Variants in COLGALT2 observed in about 807,000 individuals in gnomAD.
The protein encoded by COLGALT2 is procollagen galactosyltransferase 2.
Under a neutral mutation model 73.4 loss-of-function variants are expected in COLGALT2, and 49 were observed. The ratio of observed to expected loss-of-function variants is 0.67; its 90% CI spans 0.53 to 0.85. COLGALT2 has a LOEUF of 0.85. COLGALT2 is among the 40% of genes least tolerant of loss of function. The pLI is 0.00. For missense variants in COLGALT2, 722 were observed against 790.2 expected (o/e 0.91, Z 1.03); for synonymous variants, 295 against 307.6 (o/e 0.96, Z 0.43).
At chr1:183,966,317 G>A (rs765480306) in intron 5 of COLGALT2, among the ~76,000 whole-genome samples, 3 of 152,176 alleles carry the variant, frequency 2.0e-5, no homozygotes, top group East Asian at 1.9e-4. Context: ...AGTGAATTAC[G>A]CTACATTTTG....
At chr1:183,974,251 T>G (rs1461343368) in intron 3 of COLGALT2, among the ~76,000 whole-genome samples, 4 of 152,246 alleles carry the variant, frequency 2.6e-5, no homozygotes, top group Non-Finnish European at 4.4e-5. Context: ...CCAGTGAAGC[T>G]ATTTCCTATT....
intron 4 of COLGALT2, among the ~76,000 whole-genome samples, chr1:183,972,930 A>C (rs1572648499): frequency 6.6e-6 from 1 of 152,038 alleles, no homozygotes. Flanking sequence ...CAATCTCCTG[A>C]CCTTGTAATC....
chr1:183,954,704 T>TTTTG, intron 7 of COLGALT2, 58 bp downstream of exon 7: 3 of 1,365,606 alleles, frequency 2.2e-6, no homozygotes, highest in Non-Finnish European at 3.1e-6. Flanking sequence ...TGTTCCAAAA[T>TTTTG]GAACACACAA....
chr1:183,997,088 G>A (rs780944909), intron 1 of COLGALT2, among the ~76,000 whole-genome samples: 85 of 152,228 alleles, frequency 5.6e-4, no homozygotes, highest in Middle Eastern at 6.8e-3. Flanking sequence ...TTAAGGTCTG[G>A]CCACAAGCCC....
chr1:183,966,697 A>G (rs7539021), intron 5 of COLGALT2, among the ~76,000 whole-genome samples: 96,570 of 152,092 alleles, frequency 0.63, 31,056 homozygotes, highest in African/African-American at 0.74. Context: ...ACTGGCTGGC[A>G]CTGGGATGAT....
intron 1 of COLGALT2, among the ~76,000 whole-genome samples, chr1:184,000,128 T>A (rs1671877440): frequency 6.6e-6 from 1 of 152,204 alleles, no homozygotes; most frequent in Non-Finnish European, 1.5e-5. Flanking sequence ...ATTTTTGAGT[T>A]ATTTTGCTTT....
intron 9 of COLGALT2, among the ~76,000 whole-genome samples, chr1:183,944,682 C>T (rs189914493): frequency 4.6e-5 from 7 of 151,546 alleles, no homozygotes; most frequent in Admixed American, 6.6e-5. Context: ...GAAGGCAGTA[C>T]GGGGTGGGGG....
In COLGALT2 at chr1:184,007,453, A is replaced by G. The variant is rs560520894; in HGVS notation, c.264-28933T>C. 1.4e-4 allele frequency among the ~76,000 whole-genome samples: 22 copies of G among 152,362 alleles called. No individual in the cohort carries two copies. The South Asian group carries it at 4.1e-3, about 29-fold the overall frequency. On this transcript the variant is annotated intron_variant, in intron 1 of 11. Transcript: ENST00000361927. ...TGCGGCTTTCCTTTCTTTTTCTACA[A>G]TACATAAAATCATGGTATATCAGAC...
Position 183,937,399 on chromosome 1 carries a change from C to T in COLGALT2, c.*1362G>A. On this transcript the variant is annotated 3_prime_UTR_variant, in exon 12 of 12. Transcript: ENST00000361927. ...TGGAGTGGGAAGAAATCGTGTAGTC[C>T]AACTCTGCATTTTACATAAAATCAA... is the stretch of plus-strand genomic sequence containing the variant. The T allele has an allele frequency of 2.0e-6, 2 of 992,672 alleles. No individual in the cohort carries two copies. Among genetic ancestry groups the T allele is most frequent in the Non-Finnish European group, 2.4e-6 (2 of 834,976 alleles). 61.5% of individuals were successfully genotyped at this position (992,672 alleles called of 1,614,324 possible).
intron 1 of COLGALT2, among the ~76,000 whole-genome samples, chr1:184,021,721 A>ACTGC (rs1402089798): frequency 6.6e-6 from 1 of 152,196 alleles, no homozygotes; most frequent in Non-Finnish European, 1.5e-5. Flanking sequence ...TAAAATGACT[A>ACTGC]CTGCCCCCTT....
intron 1 of COLGALT2, among the ~76,000 whole-genome samples, chr1:184,006,826 T>C (rs112612722): frequency 3.6e-4 from 55 of 152,282 alleles, no homozygotes; most frequent in African/African-American, 1.3e-3. Context: ...TCACTGATTC[T>C]AATAACGTAT....
intron 2 of COLGALT2, among the ~76,000 whole-genome samples, chr1:183,976,356 A>AATATG (rs61652571): frequency 4.1e-5 from 6 of 147,386 alleles, no homozygotes; most frequent in East Asian, 2.0e-4. Flanking sequence ...TATATATTAT[A>AATATG]TCATATTTAT....
intron 1 of COLGALT2, among the ~76,000 whole-genome samples, chr1:184,018,205 G>T (rs1649067332): frequency 6.6e-6 from 1 of 152,070 alleles, no homozygotes; most frequent in South Asian, 2.1e-4. Context: ...AAAAGCTCGA[G>T]GCTGCAGTGG....
In COLGALT2 at chr1:183,944,314, G is replaced by T; in HGVS notation, c.1279C>A (p.Arg427=). Reference sequence around the variant, plus strand: ...ATTACAAGAGTCTTCTCTAGCTCTCGATCAATTACCTGCAAAAGTCATCAG... The same window carrying T: ...ATTACAAGAGTCTTCTCTAGCTCTCTATCAATTACCTGCAAAAGTCATCAG... ...HYSVWKEVID[R]ELEKTLVIED... is the part of the protein sequence containing the mutation. The change falls in exon 10 of 12, where the codon CGA becomes AGA. Residue 427 remains arginine, a synonymous_variant. Coordinates refer to ENST00000361927, the MANE Select transcript of COLGALT2 (RefSeq NM_015101.4). 2 of 1,612,022 alleles carry T rather than the reference G, an allele frequency of 1.2e-6. No individual in the cohort carries two copies. Among genetic ancestry groups the T allele is most frequent in the South Asian group, 1.1e-5 (1 of 90,506 alleles).
intron 1 of COLGALT2, among the ~76,000 whole-genome samples, chr1:184,008,037 A>C (rs1223688238): frequency 6.6e-6 from 1 of 152,266 alleles, no homozygotes; most frequent in Non-Finnish European, 1.5e-5. Flanking sequence ...TAATCTCAAA[A>C]GGAAAATACT....
intron 1 of COLGALT2, 60 bp downstream of exon 1, chr1:184,037,035 C>G (rs1209896486): frequency 4.6e-5 from 60 of 1,296,006 alleles, no homozygotes; most frequent in Non-Finnish European, 7.8e-6. Context: ...GGGCGCTGTC[C>G]GCGCTGGGCA....
intron 1 of COLGALT2, among the ~76,000 whole-genome samples, chr1:184,013,327 C>G (rs1191666980): frequency 1.3e-5 from 2 of 152,152 alleles, no homozygotes; most frequent in Non-Finnish European, 2.9e-5. Flanking sequence ...AACAAACAAA[C>G]AAACAAAACA....
chr1:183,987,876 G>A (rs1671528892), intron 1 of COLGALT2, among the ~76,000 whole-genome samples: 1 of 152,174 alleles, frequency 6.6e-6, no homozygotes, highest in South Asian at 2.1e-4. Context: ...AGAGAAGCTG[G>A]CTATCTACTT....
chr1:183,988,749 A>T (rs539470805), intron 1 of COLGALT2, among the ~76,000 whole-genome samples: 2 of 152,316 alleles, frequency 1.3e-5, no homozygotes, highest in African/African-American at 4.8e-5. Context: ...GTTAATAGAC[A>T]TTTGGGTGCT....
Sources: gnomAD v4.1 joint callset for allele counts (sites outside exome capture counted in the v4.1 genomes callset) on GRCh38, gnomAD v4.1.1 for gene constraint, MANE v1.5 for transcripts, NCBI Gene and HGNC (gene_info 2026-07-23, HGNC 2026-07-21) for gene names.